Variants in NUFIP2 observed in about 807,000 individuals in gnomAD.
NUFIP2 encodes FMR1-interacting protein NUFIP2.
Under a neutral mutation model 56.9 loss-of-function variants are expected in NUFIP2, and 6 were observed. The ratio of observed to expected loss-of-function variants is 0.11; its 90% CI spans 0.06 to 0.21. The LOEUF is 0.21. Among genes scored for constraint, NUFIP2 ranks in the 10% least tolerant of loss-of-function variants. NUFIP2 has a pLI of 1.00. For synonymous variants in NUFIP2, 321 were observed against 298.2 expected (o/e 1.08, Z -0.79); for missense variants, 828 against 826.8 (o/e 1.00, Z -0.02).
rs757473441 is a variant in NUFIP2 at position 29,293,891 on chromosome 17, A to G, written c.169T>C (p.Tyr57His). 1.9e-6 allele frequency: 3 copies of G among 1,613,570 alleles called. No individual in the cohort carries two copies. Among genetic ancestry groups the G allele is most frequent in the East Asian group, 2.2e-5 (1 of 44,860 alleles). The stretch of plus-strand genomic sequence containing the variant: ...CTGCCCTCGGCTCCATGCTGCAGGT[A>G]TTGGTGAGGCTGCTGGTGATGATGG... The part of the protein sequence containing the change: ...HHHHHQQPHQ[Y>H]LQHGAEGSPK... Residue 57 changes from tyrosine to histidine, a missense_variant, in exon 1 of 4, where the codon TAC becomes CAC. Tyr to His is a moderately conservative substitution (Grantham distance 83, BLOSUM62 2). Coordinates refer to ENST00000225388, the MANE Select transcript of NUFIP2 (RefSeq NM_020772.3).
At chr17:29,278,687 T>A (rs1463896760) in intron 2 of NUFIP2, among the ~76,000 whole-genome samples, 1 of 152,218 alleles carries the variant, frequency 6.6e-6, no homozygotes, top group Non-Finnish European at 1.5e-5. Context: ...AGTAACAGTG[T>A]CTGCTCTTCT....
intron 2 of NUFIP2, among the ~76,000 whole-genome samples, chr17:29,273,938 G>C (rs1359891903): frequency 6.6e-6 from 1 of 151,450 alleles, no homozygotes; most frequent in Non-Finnish European, 1.5e-5. Context: ...ATTCCAAGTT[G>C]ATTGAAAAAA....
rs1260203243 is a variant in NUFIP2 at position 29,287,373 on chromosome 17, T to C, written c.621A>G (p.Ala207=). The C allele has an allele frequency of 6.2e-7, 1 of 1,614,162 alleles. No homozygotes were observed. The highest frequency in any genetic ancestry group is 1.1e-5 in the South Asian group (1 of 91,076). ...YITNGYMGKG[A]DNDGSGSESG... is the part of the protein sequence containing the mutation. Reference sequence around the variant, plus strand: ...TCTCAGATCCACTACCATCATTATCTGCTCCTTTACCCATATAACCATTAG... The same window carrying C: ...TCTCAGATCCACTACCATCATTATCCGCTCCTTTACCCATATAACCATTAG... Residue 207 remains alanine (A), a synonymous_variant, in exon 2 of 4, where the codon GCA becomes GCG. Transcript: ENST00000225388.
chr17:29,293,604 G>A (rs2069232041), intron 1 of NUFIP2, among the ~76,000 whole-genome samples, 179 bp downstream of exon 1: 1 of 152,034 alleles, frequency 6.6e-6, no homozygotes. Context: ...GGAAGGAGAG[G>A]GCGCTGCAAA....
chr17:29,275,646 G>C (rs1452733822), intron 2 of NUFIP2, among the ~76,000 whole-genome samples: 1 of 152,080 alleles, frequency 6.6e-6, no homozygotes, highest in Non-Finnish European at 1.5e-5. Flanking sequence ...CATTTATGCA[G>C]TTGCCTTTTA....
intron 2 of NUFIP2, among the ~76,000 whole-genome samples, chr17:29,284,404 T>G (rs1357727416): frequency 6.6e-6 from 1 of 152,118 alleles, no homozygotes; most frequent in Non-Finnish European, 1.5e-5. Flanking sequence ...AACCACATTC[T>G]AAGAAAGTGA....
chr17:29,286,150 A>G lies in NUFIP2; in HGVS notation c.1844T>C (p.Leu615Pro). 1 of 1,614,104 alleles carries G rather than the reference A, an allele frequency of 6.2e-7. No individual in the cohort carries two copies. The highest frequency in any genetic ancestry group is 8.5e-7 in the Non-Finnish European group (1 of 1,180,012). The change falls in exon 2 of 4, where the codon CTC becomes CCC. Residue 615 changes from leucine to proline, a missense_variant. Coordinates refer to ENST00000225388, the MANE Select transcript of NUFIP2 (RefSeq NM_020772.3). ...DTSSQGALVFLSKDYEIESQN... is the reference protein window; with the variant it reads ...DTSSQGALVFPSKDYEIESQN... ...ACTTTCTATCTCGTAGTCCTTTGAG[A>G]GAAACACTAAAGCACCTTGACTACT... is the stretch of plus-strand genomic sequence containing the variant.
Position 29,292,577 on chromosome 17 carries a change from C to G in NUFIP2, c.277+1206G>C, listed in dbSNP as rs555952124. On this transcript the variant is annotated intron_variant, in intron 1 of 3. Transcript: ENST00000225388. ...GGGTACCCCACCCGGCCTCAGGCAC[C>G]GCCTCTACCCGAAATGAATCCCCCC... 5.3e-4 allele frequency among the ~76,000 whole-genome samples: 80 copies of G among 151,384 alleles called. 1 individual carries two copies. The South Asian group carries it at 0.016, about 31-fold the overall frequency.
At chr17:29,272,662 T>A (rs2069082187) in intron 2 of NUFIP2, among the ~76,000 whole-genome samples, 1 of 152,172 alleles carries the variant, frequency 6.6e-6, no homozygotes, top group Admixed American at 6.5e-5. Context: ...AAGTTGAGTA[T>A]CCTTATCTGA....
At chr17:29,276,479 C>T (rs1212446649) in intron 2 of NUFIP2, among the ~76,000 whole-genome samples, 38 of 152,122 alleles carry the variant, frequency 2.5e-4, no homozygotes, top group Admixed American at 1.2e-3. Flanking sequence ...ACTACAGGCA[C>T]GCGCCACCAT....
chr17:29,293,659 G>C, intron 1 of NUFIP2, 124 bp downstream of exon 1: 1 of 1,055,364 alleles, frequency 9.5e-7, no homozygotes, highest in South Asian at 1.9e-5. Context: ...GGCATCCCCA[G>C]AGCCGGAGGG....
rs1013221245 is a variant in NUFIP2 at position 29,259,593 on chromosome 17, G to T, written c.*4946C>A. On this transcript the variant is annotated 3_prime_UTR_variant, in exon 4 of 4. Transcript: ENST00000225388. Reference sequence around the variant, plus strand: ...TCCGTCTCAAAAAAAAAAAGGTGGGGGGGGGGGGGATACTGCAGTATTATA... The same window carrying T: ...TCCGTCTCAAAAAAAAAAAGGTGGGTGGGGGGGGGATACTGCAGTATTATA... 3.6e-5 allele frequency: 5 copies of T among 138,012 alleles called. No homozygotes were observed. The highest frequency in any genetic ancestry group is 2.1e-4 in the East Asian group (1 of 4,666). 8.5% of individuals were successfully genotyped at this position (138,012 alleles called of 1,614,324 possible). A position where few individuals can be genotyped will look rare whatever the true frequency, so the allele number is the denominator to read the frequency against.
intron 2 of NUFIP2, among the ~76,000 whole-genome samples, chr17:29,278,573 T>C (rs923237630): frequency 1.4e-5 from 2 of 145,196 alleles, no homozygotes; most frequent in Non-Finnish European, 3.0e-5. Context: ...AGGGTAAAAG[T>C]TGCTTGGAAT....
intron 2 of NUFIP2, among the ~76,000 whole-genome samples, chr17:29,271,997 C>T (rs1476563527): frequency 2.2e-5 from 3 of 135,920 alleles, no homozygotes; most frequent in South Asian, 2.6e-4. Flanking sequence ...CACTTGAACC[C>T]GGGAGGCAGA....
Position 29,286,225 on chromosome 17 carries a change from G to C in NUFIP2, c.1769C>G (p.Ala590Gly), listed in dbSNP as rs1174659888. Residue 590 changes from alanine (A) to glycine (G), a missense_variant, in exon 2 of 4, where the codon GCC becomes GGC. By Grantham distance (60) the Ala-to-Gly change is moderately conservative. Transcript: ENST00000225388. ...LKSGTTSESG[A>G]LSLEPSHIGD... ...TATATGACTGGGTTCCAAGGATAAG[G>C]CTCCACTCTCACTAGTAGTCCCAGA... 3 of 1,613,958 alleles carry C rather than the reference G, an allele frequency of 1.9e-6. No individual in the cohort carries two copies. The African/African-American group carries it at 4.0e-5, about 22-fold the overall frequency.
In NUFIP2 at chr17:29,265,212, CTCCAGGGTTAT is replaced by C. The variant is rs1464889857; in HGVS notation, c.2036-632_2036-622del. Among the ~76,000 whole-genome samples, 6 of 152,162 alleles carry C rather than the reference CTCCAGGGTTAT, an allele frequency of 3.9e-5. No individual in the cohort carries two copies. In the East Asian group the frequency reaches 1.2e-3, roughly 29 times the overall value. ...CTGTTAGAATGTGTCTGGAAGAAGA[CTCCAGGGTTAT>C]TCTAAATTCTTACTATTTAAGCTGC... On this transcript the variant is annotated intron_variant, in intron 3 of 3. Transcript: ENST00000225388.
intron 2 of NUFIP2, among the ~76,000 whole-genome samples, chr17:29,274,356 T>C (rs1033773552): frequency 2.0e-5 from 3 of 152,174 alleles, no homozygotes; most frequent in Non-Finnish European, 2.9e-5. Flanking sequence ...GCCTGTAGTC[T>C]CAGCTACTCA....
Position 29,263,475 on chromosome 17 carries a change from G to T in NUFIP2, c.*1064C>A, listed in dbSNP as rs1277815930. The stretch of plus-strand genomic sequence containing the variant: ...TTCTCACTGGCTAAAAACATGAAAA[G>T]TTTTAGTTTTCATGGACTTTTTTCT... On this transcript the variant is annotated 3_prime_UTR_variant, in exon 4 of 4. Transcript: ENST00000225388. 1 of 152,544 alleles carries T rather than the reference G, an allele frequency of 6.6e-6. No individual in the cohort carries two copies. The highest frequency in any genetic ancestry group is 1.5e-5 in the Non-Finnish European group (1 of 68,014). 9.4% of individuals were successfully genotyped at this position (152,544 alleles called of 1,614,324 possible).
chr17:29,286,638 T>C lies in NUFIP2; in HGVS notation c.1356A>G (p.Ser452=). ...TLTPISSGTD[S]VLQDMSLTSA... ...AAGTTAGACTCATGTCCTGGAGAAC[T>C]GAATCTGTCCCAGAAGAGATGGGTG... Residue 452 remains serine, a synonymous_variant, in exon 2 of 4, where the codon TCA becomes TCG. Transcript: ENST00000225388. The C allele has an allele frequency of 6.2e-7, 1 of 1,614,198 alleles. No homozygotes were observed. Among genetic ancestry groups the C allele is most frequent in the Non-Finnish European group, 8.5e-7 (1 of 1,180,028 alleles).
Sources: allele counts gnomAD v4.1 joint callset (sites outside exome capture counted in the v4.1 genomes callset), GRCh38; gene constraint gnomAD v4.1.1; transcripts MANE v1.5; gene names NCBI Gene and HGNC (gene_info 2026-07-23, HGNC 2026-07-21).